DCDC1: variants seen among roughly 807,000 people sequenced by gnomAD.
The protein encoded by DCDC1 is doublecortin domain-containing protein 1.
Under a neutral mutation model 178.3 loss-of-function variants are expected in DCDC1, and 200 were observed. The observed-to-expected ratio is 1.12, with a 90% CI of 1.00 to 1.26. The LOEUF (loss-of-function observed/expected upper bound fraction) is 1.26. DCDC1 is among the 50% of genes most tolerant of loss of function. DCDC1 has a pLI of 0.00. For missense variants in DCDC1, 1,983 were observed against 1,749.2 expected (o/e 1.13, Z -2.38); for synonymous variants, 690 against 604.8 (o/e 1.14, Z -2.07).
At chr11:30,899,137 A>G (rs1944460428) in intron 34 of DCDC1, among the ~76,000 whole-genome samples, 1 of 151,994 alleles carries the variant, frequency 6.6e-6, no homozygotes, top group Non-Finnish European at 1.5e-5. Context: ...CAAAACAAAA[A>G]AACAAAAAAA....
At chr11:31,155,590 G>A (rs1371066891) in intron 9 of DCDC1, among the ~76,000 whole-genome samples, 1 of 152,202 alleles carries the variant, frequency 6.6e-6, no homozygotes, top group Non-Finnish European at 1.5e-5. Context: ...AGGAAACAGT[G>A]GTTAACAAGC....
intron 6 of DCDC1, 48 bp from the exon 7 acceptor site, chr11:31,290,900 A>G (rs1438916564): frequency 6.5e-7 from 1 of 1,545,220 alleles, no homozygotes; most frequent in South Asian, 1.2e-5. Context: ...TTCAAAATTA[A>G]AAATGGACAC....
intron 8 of DCDC1, among the ~76,000 whole-genome samples, chr11:31,253,771 G>A (rs1221721598): frequency 6.6e-6 from 1 of 152,144 alleles, no homozygotes; most frequent in Non-Finnish European, 1.5e-5. Context: ...TTGTCAGGCA[G>A]CAACATATAA....
chr11:31,103,287 T>C (rs1958624693), intron 14 of DCDC1, among the ~76,000 whole-genome samples: 1 of 152,240 alleles, frequency 6.6e-6, no homozygotes, highest in Non-Finnish European at 1.5e-5. Flanking sequence ...GAAGTTTAAA[T>C]GTGAACACTC....
chr11:30,943,849 T>G (rs1947827527), intron 21 of DCDC1: 1 of 297,990 alleles, frequency 3.4e-6, no homozygotes, highest in Non-Finnish European at 6.6e-6. Context: ...ATGAAATCAG[T>G]TCTCAAAGCA....
At chr11:30,903,322 G>A (rs1944832789) in intron 32 of DCDC1, among the ~76,000 whole-genome samples, 160 bp downstream of exon 32, 1 of 152,076 alleles carries the variant, frequency 6.6e-6, no homozygotes. Context: ...TCTGCAAGGT[G>A]AAAACAACAT....
chr11:30,925,204 T>C, intron 23 of DCDC1, 105 bp downstream of exon 23: 1 of 979,588 alleles, frequency 1.0e-6, no homozygotes, highest in South Asian at 1.6e-5. Flanking sequence ...TGAGAGAAAA[T>C]AAGAATTAAA....
intron 10 of DCDC1, among the ~76,000 whole-genome samples, chr11:31,129,069 C>T (rs1046939003): frequency 6.6e-6 from 1 of 152,002 alleles, no homozygotes; most frequent in African/African-American, 2.4e-5. Context: ...GTATTTGCCC[C>T]GCCTATATTC....
At chr11:31,309,653 T>C (rs1948654003) in intron 3 of DCDC1, among the ~76,000 whole-genome samples, 1 of 152,172 alleles carries the variant, frequency 6.6e-6, no homozygotes, top group Admixed American at 6.5e-5. Context: ...AAAAATGGAA[T>C]TCCCTACTTA....
chr11:30,902,387 C>T (rs1013371216), intron 32 of DCDC1, among the ~76,000 whole-genome samples: 4 of 152,084 alleles, frequency 2.6e-5, no homozygotes, highest in Non-Finnish European at 5.9e-5. Context: ...CCCAGCCTCC[C>T]GAATTGTGAG....
intron 13 of DCDC1, among the ~76,000 whole-genome samples, 194 bp downstream of exon 13, chr11:31,106,603 G>C (rs1474413533): frequency 6.6e-6 from 1 of 152,184 alleles, no homozygotes; most frequent in Non-Finnish European, 1.5e-5. Flanking sequence ...GAAAGTCACA[G>C]ACAGAGATAG....
At chr11:31,156,251 T>C (rs1193945891) in intron 9 of DCDC1, among the ~76,000 whole-genome samples, 1 of 152,252 alleles carries the variant, frequency 6.6e-6, no homozygotes, top group Non-Finnish European at 1.5e-5. Flanking sequence ...TAATTCCTTT[T>C]AGGAGAATAA....
At chr11:31,196,324 T>C (rs1468616690) in intron 9 of DCDC1, among the ~76,000 whole-genome samples, 4 of 152,114 alleles carry the variant, frequency 2.6e-5, no homozygotes, top group African/African-American at 7.2e-5. Flanking sequence ...TGTCCTACAA[T>C]TTATTTCAAT....
intron 11 of DCDC1, among the ~76,000 whole-genome samples, chr11:31,111,887 A>G (rs1959182369): frequency 6.6e-6 from 1 of 152,174 alleles, no homozygotes; most frequent in South Asian, 2.1e-4. Flanking sequence ...AGCAGTGCCA[A>G]GTGCTAACTG....
chr11:30,900,208 C>T, intron 33 of DCDC1, 138 bp downstream of exon 33: 1 of 824,484 alleles, frequency 1.2e-6, no homozygotes, highest in South Asian at 4.0e-5. Context: ...AGTTGATGAA[C>T]CTTCTGTTCT....
At chr11:30,900,266 A>T (rs139526404) in intron 33 of DCDC1, 80 bp downstream of exon 33, 2 of 1,256,916 alleles carry the variant, frequency 1.6e-6, no homozygotes, top group Admixed American at 6.8e-5. Context: ...CATTTAATTC[A>T]TTTTCTTATG....
chr11:30,959,749 T>G (rs1948985613), intron 20 of DCDC1, among the ~76,000 whole-genome samples: 1 of 152,146 alleles, frequency 6.6e-6, no homozygotes, highest in Non-Finnish European at 1.5e-5. Flanking sequence ...CTTTGACTAA[T>G]TAGAACCTAG....
chr11:31,243,130 T>C (rs1977382290), intron 8 of DCDC1, among the ~76,000 whole-genome samples: 1 of 149,822 alleles, frequency 6.7e-6, no homozygotes, highest in Non-Finnish European at 1.5e-5. Flanking sequence ...TAAAAAAATA[T>C]AAGATCATAA....
chr11:31,298,366 C>T (rs1289759995), intron 6 of DCDC1, among the ~76,000 whole-genome samples: 1 of 152,144 alleles, frequency 6.6e-6, no homozygotes, highest in Admixed American at 6.5e-5. Context: ...CTGTCCCAGT[C>T]TTCCTCTCCT....
Sources: gnomAD v4.1 joint callset for allele counts (sites outside exome capture counted in the v4.1 genomes callset) on GRCh38, gnomAD v4.1.1 for gene constraint, MANE v1.5 for transcripts, NCBI Gene and HGNC (gene_info 2026-07-23, HGNC 2026-07-21) for gene names.